Variants in PARP12 observed in about 807,000 individuals in gnomAD.
PARP12 encodes the protein protein mono-ADP-ribosyltransferase PARP12.
In PARP12, 59 loss-of-function variants were observed where a neutral mutation model predicts 72.4. The observed-to-expected ratio is 0.81, with a 90% CI of 0.66 to 1.01. The LOEUF (loss-of-function observed/expected upper bound fraction) is 1.01. Among genes scored for constraint, PARP12 ranks in the 50% least tolerant of loss-of-function variants. The pLI, the probability that PARP12 is intolerant of heterozygous loss-of-function variation, is 0.00. For missense variants in PARP12, 851 were observed against 914.0 expected, an observed-to-expected ratio of 0.93 and a Z score of 0.89; for synonymous variants, 403 against 371.4, an observed-to-expected ratio of 1.09 and a Z score of -0.98.
chr7:140,053,974 G>T (rs1235874324), intron 4 of PARP12, among the ~76,000 whole-genome samples: 1 of 152,196 alleles, frequency 6.6e-6, no homozygotes, highest in African/African-American at 2.4e-5. Context: ...GTTTTACAGA[G>T]TGAAAGTATT....
At chr7:140,047,262 T>C (rs1816769559) in intron 4 of PARP12, among the ~76,000 whole-genome samples, 1 of 152,232 alleles carries the variant, frequency 6.6e-6, no homozygotes, top group African/African-American at 2.4e-5. Flanking sequence ...GCCAATGTGA[T>C]AGTATTGAGC....
At chr7:140,051,086 C>T (rs905470370) in intron 4 of PARP12, among the ~76,000 whole-genome samples, 10 of 151,946 alleles carry the variant, frequency 6.6e-5, no homozygotes, top group East Asian at 1.9e-4. Flanking sequence ...CTAATGAAGA[C>T]GGGGTTACTT....
rs1054578656 is a variant in PARP12, at chr7:140,027,826, T to TC, written c.1498-421dup. Reference sequence around the variant, plus strand: ...GATGCTTAAGCCACCATCGAGGGTATCCCCTGGATGTCCCTGCCTTTTTTT... The same window carrying TC: ...GATGCTTAAGCCACCATCGAGGGTATCCCCCTGGATGTCCCTGCCTTTTTTT... On this transcript the variant is annotated intron_variant, in intron 9 of 11. Coordinates refer to ENST00000263549, the MANE Select transcript of PARP12 (RefSeq NM_022750.4). Among the ~76,000 whole-genome samples, 3 of 151,894 alleles carry TC rather than the reference T, an allele frequency of 2.0e-5. No homozygotes were observed. In the East Asian group the frequency reaches 5.8e-4, roughly 29 times the overall value.
rs77594030 is a variant in PARP12, at chr7:140,058,002, G to A, written c.359C>T (p.Thr120Ile). Residue 120 changes from threonine (T) to isoleucine (I), a missense_variant, in exon 2 of 12, where the codon ACC becomes ATC. Transcript: ENST00000263549. Reference sequence around the variant, plus strand: ...TCTCAGCACACTCAGGTTGTGTTCGGTTGTCAAGCTGTGACTATTCCTACA... The same window carrying A: ...TCTCAGCACACTCAGGTTGTGTTCGATTGTCAAGCTGTGACTATTCCTACA... ...KNCRNSHSLT[T>I]EHNLSVLRTH... The A allele has an allele frequency of 8.1e-4, 1,302 of 1,614,220 alleles. 10 individuals are homozygous for A. In the African/African-American group the frequency reaches 0.016, roughly 20 times the overall value.
At chr7:140,044,335 C>T (rs558822706) in intron 5 of PARP12, among the ~76,000 whole-genome samples, 2 of 152,250 alleles carry the variant, frequency 1.3e-5, no homozygotes, top group South Asian at 2.1e-4. Flanking sequence ...ATATTGGATT[C>T]GGGTGGGCCC....
At chr7:140,061,567 G>C (rs1477606027) in intron 1 of PARP12, among the ~76,000 whole-genome samples, 3 of 152,116 alleles carry the variant, frequency 2.0e-5, no homozygotes, top group Non-Finnish European at 4.4e-5. Flanking sequence ...CCCTTAAATT[G>C]GCACCCACAC....
At chr7:140,035,914 CAAG>C (rs1248080245) in intron 7 of PARP12, among the ~76,000 whole-genome samples, 4 of 31,188 alleles carry the variant, frequency 1.3e-4, no homozygotes, top group African/African-American at 6.9e-4. Flanking sequence ...AGGAGGAGGA[CAAG>C]GAGGAGGACA....
intron 8 of PARP12, among the ~76,000 whole-genome samples, chr7:140,032,557 C>CA (rs1815978885): frequency 6.6e-6 from 1 of 151,940 alleles, no homozygotes; most frequent in South Asian, 2.1e-4. Context: ...AGACTGAAAA[C>CA]AACACAAACA....
At chr7:140,055,364 G>A (rs1194713490) in intron 3 of PARP12, among the ~76,000 whole-genome samples, 2 of 152,086 alleles carry the variant, frequency 1.3e-5, no homozygotes, top group Non-Finnish European at 2.9e-5. Flanking sequence ...TTAATTTTAG[G>A]TTAATTATCA....
chr7:140,042,861 C>T (rs1168224991), intron 5 of PARP12, among the ~76,000 whole-genome samples: 1 of 152,204 alleles, frequency 6.6e-6, no homozygotes, highest in East Asian at 1.9e-4. Context: ...GAAGCAAACA[C>T]ACATCCCCTC....
At chr7:140,053,971 A>G (rs938931893) in intron 4 of PARP12, among the ~76,000 whole-genome samples, 1 of 152,266 alleles carries the variant, frequency 6.6e-6, no homozygotes, top group Non-Finnish European at 1.5e-5. Flanking sequence ...ACTGTTTTAC[A>G]GAGTGAAAGT....
rs761348153 is a variant in PARP12 at position 140,027,265 on chromosome 7, C to A, written c.1628+11G>T. On this transcript the variant is annotated intron_variant, in intron 10 of 11. Coordinates refer to ENST00000263549, the MANE Select transcript of PARP12 (RefSeq NM_022750.4). ...GAGTCACCAGCCCACCAAGAGCGAGCCCCAACGCACCACTGGTAGACTTCC... is the reference window on the plus strand; with the variant it reads ...GAGTCACCAGCCCACCAAGAGCGAGACCCAACGCACCACTGGTAGACTTCC... 5 of 1,611,540 alleles carry A rather than the reference C, an allele frequency of 3.1e-6. No homozygotes were observed. Among genetic ancestry groups the A allele is most frequent in the Non-Finnish European group, 4.2e-6 (5 of 1,178,150 alleles).
intron 1 of PARP12, among the ~76,000 whole-genome samples, chr7:140,060,464 A>G (rs1292654007): frequency 6.6e-6 from 1 of 152,218 alleles, no homozygotes; most frequent in African/African-American, 2.4e-5. Context: ...AGTGAGTCAG[A>G]AATGGAAGGT....
At chr7:140,052,213 G>A (rs1451447184) in intron 4 of PARP12, among the ~76,000 whole-genome samples, 1 of 152,190 alleles carries the variant, frequency 6.6e-6, no homozygotes, top group East Asian at 1.9e-4. Context: ...CTCATAGAGT[G>A]GAAAGTTTGC....
intron 1 of PARP12, among the ~76,000 whole-genome samples, chr7:140,058,499 C>CAA (rs768336170): frequency 3.6e-5 from 4 of 110,930 alleles, no homozygotes; most frequent in Non-Finnish European, 3.8e-5. Context: ...GACTCAGTCT[C>CAA]AAAAAAAAAA....
Position 140,026,317 on chromosome 7 carries a change from C to T in PARP12, c.1660G>A (p.Gly554Arg). 1 of 1,612,454 alleles carries T rather than the reference C, an allele frequency of 6.2e-7. No individual in the cohort carries two copies. The highest frequency in any genetic ancestry group is 1.1e-5 in the South Asian group (1 of 91,088). Reference sequence around the variant, plus strand: ...AGCTGCCGCTCGTCCACGGCCTTCCCTCCGTTCTGCTTCTGCATCTGTCCT... The same window carrying T: ...AGCTGCCGCTCGTCCACGGCCTTCCTTCCGTTCTGCTTCTGCATCTGTCCT... ...QKGQMQKQNG[G>R]KAVDERQLFH... is the part of the protein sequence containing the mutation. The change falls in exon 11 of 12, where the codon GGG becomes AGG. Residue 554 changes from glycine to arginine, a missense_variant. Physicochemically the swap from Gly to Arg is moderately radical, Grantham distance 125 (BLOSUM62 -2). This residue lies in a region of PARP12 where 347 missense variants were observed against 396.1 expected (regional missense o/e 0.88). Transcript: ENST00000263549.
In PARP12 at chr7:140,024,966, G is replaced by C. The variant is rs1026393040; in HGVS notation, c.1781-81C>G. 3.8e-6 allele frequency: 5 copies of C among 1,304,708 alleles called. No individual in the cohort carries two copies. The South Asian group carries it at 4.0e-5, about 10-fold the overall frequency. The allele number at this position is 1,304,708 out of a possible 1,614,324, so 80.8% of individuals were successfully genotyped here. On this transcript the variant is annotated intron_variant, in intron 11 of 11. Coordinates refer to ENST00000263549, the MANE Select transcript of PARP12 (RefSeq NM_022750.4). The stretch of plus-strand genomic sequence containing the variant: ...AGCACACTGCGAATAGCGTCCTGGT[G>C]ATGTGCAACGCCAGGGCCTCTACTC...
intron 5 of PARP12, among the ~76,000 whole-genome samples, chr7:140,044,946 ATACT>A (rs991366389): frequency 6.6e-6 from 1 of 152,222 alleles, no homozygotes; most frequent in African/African-American, 2.4e-5. Context: ...GCTTAAACAA[ATACT>A]GACTGCCTAA....
At chr7:140,034,453 A>G (rs1298152797) in intron 7 of PARP12, 122 bp from the exon 8 acceptor site, 2 of 799,204 alleles carry the variant, frequency 2.5e-6, no homozygotes, top group East Asian at 6.2e-5. Flanking sequence ...TAAAACCCAG[A>G]ATCAGTCTGT....
Sources: gnomAD v4.1 joint callset for allele counts (sites outside exome capture counted in the v4.1 genomes callset) on GRCh38, gnomAD v4.1.1 for gene constraint, gnomAD v4.1.1 regional missense constraint, MANE v1.5 for transcripts, NCBI Gene and HGNC (gene_info 2026-07-23, HGNC 2026-07-21) for gene names.